The following HDAC4 variants were observed in gnomAD, a reference collection of about 807,000 sequenced individuals.
HDAC4 encodes histone deacetylase 4.
HDAC4 carries 16 observed loss-of-function variants against 135.1 expected under a neutral mutation model. That is an observed-to-expected ratio of 0.12 (90% CI 0.08 to 0.18). The LOEUF (loss-of-function observed/expected upper bound fraction) is 0.18. Ranked by LOEUF, HDAC4 falls within the 10% of genes least tolerant of loss-of-function variation. The pLI is 1.00. For missense variants in HDAC4, 1,143 were observed against 1,511.8 expected (o/e 0.76, Z 4.05); for synonymous variants, 685 against 653.4 (o/e 1.05, Z -0.74).
At chr2:239,236,018 C>T (rs555255582) in intron 3 of HDAC4, among the ~76,000 whole-genome samples, 4 of 152,244 alleles carry the variant, frequency 2.6e-5, no homozygotes, top group South Asian at 2.1e-4. Flanking sequence ...CCAGCCTGGG[C>T]GACAGAGTGA....
At chr2:239,155,070 T>C (rs2042338486) in intron 7 of HDAC4, 1 of 151,896 alleles carries the variant, frequency 6.6e-6, no homozygotes, top group East Asian at 2.0e-4. Flanking sequence ...CTCCAGGGAC[T>C]TGGCCGGCCC....
chr2:239,197,384 C>T (rs149830571), intron 3 of HDAC4, among the ~76,000 whole-genome samples: 4 of 152,314 alleles, frequency 2.6e-5, no homozygotes, highest in South Asian at 2.1e-4. Context: ...AGGCCCCCAG[C>T]GTTCCGAAAT....
intron 1 of HDAC4, among the ~76,000 whole-genome samples, chr2:239,374,273 A>T (rs1323197775): frequency 6.6e-6 from 1 of 151,920 alleles, no homozygotes; most frequent in Non-Finnish European, 1.5e-5. Context: ...CAGGAATCCC[A>T]CCAAAGGAAA....
intron 2 of HDAC4, 34 bp from the exon 3 acceptor site, chr2:239,236,698 T>A: frequency 6.6e-7 from 1 of 1,506,566 alleles, no homozygotes; most frequent in Non-Finnish European, 9.0e-7. Context: ...CTTCAGAAAC[T>A]GCGCGCATTT....
chr2:239,235,028 T>G (rs1018268741), intron 3 of HDAC4, among the ~76,000 whole-genome samples: 9 of 152,140 alleles, frequency 5.9e-5, no homozygotes, highest in Non-Finnish European at 7.3e-5. Flanking sequence ...AAACCAAAAC[T>G]GTCGACATAA....
chr2:239,207,985 A>G (rs2046139100), intron 3 of HDAC4, among the ~76,000 whole-genome samples: 1 of 152,188 alleles, frequency 6.6e-6, no homozygotes, highest in African/African-American at 2.4e-5. Flanking sequence ...AATAGTCTAT[A>G]GAAAAGACAG....
At chr2:239,119,811 G>A (rs569543955) in intron 12 of HDAC4, among the ~76,000 whole-genome samples, 1 of 152,354 alleles carries the variant, frequency 6.6e-6, no homozygotes, top group African/African-American at 2.4e-5. Flanking sequence ...CCACAGGAAG[G>A]TGCTAATGAG....
chr2:239,164,471 C>T (rs1052528823), intron 5 of HDAC4, among the ~76,000 whole-genome samples: 2 of 152,342 alleles, frequency 1.3e-5, no homozygotes, highest in South Asian at 2.1e-4. Context: ...AGTGACTGCA[C>T]CAAGTGGGAC....
chr2:239,085,486 C>A (rs909036661), intron 19 of HDAC4, among the ~76,000 whole-genome samples: 1 of 152,152 alleles, frequency 6.6e-6, no homozygotes, highest in African/African-American at 2.4e-5. Flanking sequence ...GGGAGCACAG[C>A]GAAGAGCTGC....
At chr2:239,112,689 C>A in intron 13 of HDAC4, among the ~76,000 whole-genome samples, 1 of 152,200 alleles carries the variant, frequency 6.6e-6, no homozygotes, top group South Asian at 2.1e-4. Flanking sequence ...CCAAGCCTCT[C>A]CCCAGACAGC....
intron 2 of HDAC4, among the ~76,000 whole-genome samples, chr2:239,344,929 C>T (rs1692517190): frequency 6.6e-6 from 1 of 152,060 alleles, no homozygotes; most frequent in Admixed American, 6.5e-5. Flanking sequence ...CCAGAACCCC[C>T]AGGGCTGCCC....
At position 239,352,843 on chromosome 2, in the gene HDAC4, G is replaced by A; in HGVS notation, c.-144C>T. The A allele has an allele frequency of 1.2e-6, 1 of 837,334 alleles. No homozygotes were observed. Among genetic ancestry groups the A allele is most frequent in the Non-Finnish European group, 2.0e-6 (1 of 506,528 alleles). 51.9% of individuals were successfully genotyped at this position (837,334 alleles called of 1,614,324 possible). On this transcript the variant is annotated 5_prime_UTR_variant, in exon 2 of 27. Transcript: ENST00000543185. This position sits in a 1 kb window ranked among gnomAD's most constrained non-coding sequence, Gnocchi z 4.4. ...TGGGTCACAGACGTTCAAGCGCCGA[G>A]CCTCGCCGGCAAGGTCTCATGAGCC...
intron 2 of HDAC4, among the ~76,000 whole-genome samples, chr2:239,281,055 ACAC>A (rs2050698681): frequency 7.6e-6 from 1 of 132,446 alleles, no homozygotes; most frequent in Non-Finnish European, 1.6e-5. Context: ...TACAATGTAC[ACAC>A]CACTCTTAAT....
intron 1 of HDAC4, among the ~76,000 whole-genome samples, 177 bp from the exon 2 acceptor site, chr2:239,353,095 C>G (rs1693267419): frequency 1.3e-5 from 2 of 152,196 alleles, no homozygotes; most frequent in African/African-American, 4.8e-5. Flanking sequence ...CCTCCACCAC[C>G]CCTGCAACCC....
Position 239,177,542 on chromosome 2 carries a change from C to T in HDAC4, c.340-979G>A, listed in dbSNP as rs139996721. On this transcript the variant is annotated intron_variant, in intron 4 of 26. Transcript: ENST00000543185. ...CGCCCCAGCGGGTGGAGTGTCCGAC[C>T]TGTTGACTGTCTACAGGGAAGGGCA... Among the ~76,000 whole-genome samples the T allele has an allele frequency of 2.0e-3, 304 of 152,340 alleles. 2 individuals are homozygous for T. The highest frequency in any genetic ancestry group is 6.9e-3 in the African/African-American group (285 of 41,578).
chr2:239,358,346 C>T (rs1332748134), intron 1 of HDAC4, among the ~76,000 whole-genome samples: 1 of 152,218 alleles, frequency 6.6e-6, no homozygotes, highest in Admixed American at 6.5e-5. Flanking sequence ...CGCCGGCCGT[C>T]GGGAGCTCCT....
intron 20 of HDAC4, among the ~76,000 whole-genome samples, chr2:239,083,668 A>G (rs1303351958): frequency 6.6e-6 from 1 of 152,158 alleles, no homozygotes; most frequent in Non-Finnish European, 1.5e-5. Context: ...ATCATATAGC[A>G]TTATTTAAAA....
At chr2:239,332,967 T>C (rs1222689695) in intron 2 of HDAC4, among the ~76,000 whole-genome samples, 2 of 152,146 alleles carry the variant, frequency 1.3e-5, no homozygotes, top group African/African-American at 2.4e-5. Flanking sequence ...GCAGATGGAA[T>C]GTAAAAAATT....
chr2:239,272,381 C>T (rs914897723), intron 2 of HDAC4, among the ~76,000 whole-genome samples: 1 of 152,204 alleles, frequency 6.6e-6, no homozygotes, highest in African/African-American at 2.4e-5. Flanking sequence ...AGGCAACCTA[C>T]AGAATGGAAA....
Sources: gnomAD v4.1 joint callset for allele counts (sites outside exome capture counted in the v4.1 genomes callset) on GRCh38, gnomAD v4.1.1 for gene constraint, Gnocchi (gnomAD v3.1) non-coding constraint, MANE v1.5 for transcripts, NCBI Gene and HGNC (gene_info 2026-07-23, HGNC 2026-07-21) for gene names.